Variants in KCNJ12 observed in about 807,000 individuals in gnomAD.
KCNJ12 encodes potassium inwardly rectifying channel subfamily J member 12.
In KCNJ12, 2 loss-of-function variants were observed where a neutral mutation model predicts 22.3. That is an observed-to-expected ratio of 0.09 (90% CI 0.04 to 0.28). The LOEUF is 0.28. KCNJ12 is among the 10% of genes least tolerant of loss of function. The pLI is 1.00. For synonymous variants in KCNJ12, 117 were observed against 261.4 expected, an observed-to-expected ratio of 0.45 and a Z score of 5.33; for missense variants, 155 against 633.3, an observed-to-expected ratio of 0.24 and a Z score of 8.11.
chr17:21,415,198 T>A, intron 2 of KCNJ12, 89 bp from the exon 3 acceptor site: 3 of 1,360,248 alleles, frequency 2.2e-6, no homozygotes, highest in African/African-American at 1.4e-5. Context: ...GGTGGAAGCG[T>A]CCTCCAGTCA....
chr17:21,400,982 A>G (rs1905587105), intron 1 of KCNJ12, among the ~76,000 whole-genome samples: 1 of 152,310 alleles, frequency 6.6e-6, no homozygotes, highest in African/African-American at 2.4e-5. Flanking sequence ...GGGTGAGCCC[A>G]GGCTCGGTGT....
intron 1 of KCNJ12, among the ~76,000 whole-genome samples, chr17:21,403,808 G>C (rs1336744347): frequency 1.3e-5 from 2 of 152,426 alleles, no homozygotes; most frequent in African/African-American, 4.8e-5. Flanking sequence ...GCTATGATTA[G>C]TTCCATTTTA....
chr17:21,388,668 G>T (rs1037096152), intron 1 of KCNJ12, among the ~76,000 whole-genome samples: 1 of 152,198 alleles, frequency 6.6e-6, no homozygotes, highest in African/African-American at 2.4e-5. Flanking sequence ...TAATGAAAAC[G>T]ACTGCTTACC....
rs146886374 is a variant in KCNJ12 at position 21,412,028 on chromosome 17, T to TCACA, written c.-56-3247_-56-3244dup. Among the ~76,000 whole-genome samples, 22 of 112,302 alleles carry TCACA rather than the reference T, an allele frequency of 2.0e-4. No homozygotes were observed. The South Asian group carries it at 5.0e-3, about 25-fold the overall frequency. The allele number at this position is 112,302 out of a possible 152,430, so 73.7% of individuals were successfully genotyped here. ...GGGAGGGTTTCTCTCTCTCTCTCTC[T>TCACA]CACACACACACACACGCACACACGG... On this transcript the variant is annotated intron_variant, in intron 2 of 2. Transcript: ENST00000583088.
intron 1 of KCNJ12, among the ~76,000 whole-genome samples, chr17:21,379,527 G>A (rs181510282): frequency 1.7e-3 from 264 of 152,302 alleles, no homozygotes; most frequent in Middle Eastern, 3.4e-3. Context: ...GCCCCTCCCC[G>A]GGCCTGCCCT....
chr17:21,418,389 G>T lies in KCNJ12; in HGVS notation c.*1745G>T, dbSNP rs1304320712. On this transcript the variant is annotated 3_prime_UTR_variant, in exon 3 of 3. Transcript: ENST00000583088. ...GCACCGAGGACTCTGGCCCAAGTGGGGAAGCTGAGGCAGAGAGCAGAGGGG... is the reference window on the plus strand; with the variant it reads ...GCACCGAGGACTCTGGCCCAAGTGGTGAAGCTGAGGCAGAGAGCAGAGGGG... 3 of 166,684 alleles carry T rather than the reference G, an allele frequency of 1.8e-5. No individual in the cohort carries two copies. The highest frequency in any genetic ancestry group is 4.4e-5 in the Non-Finnish European group (3 of 68,198). The allele number at this position is 166,684 out of a possible 1,614,324, so 10.3% of individuals were successfully genotyped here.
chr17:21,393,940 T>G (rs1555559617), intron 1 of KCNJ12, among the ~76,000 whole-genome samples: 1 of 152,208 alleles, frequency 6.6e-6, no homozygotes, highest in Non-Finnish European at 1.5e-5. Context: ...CTGAGGGCAC[T>G]GCTGGTCTCT....
At chr17:21,397,506 G>A (rs1240197629) in intron 1 of KCNJ12, among the ~76,000 whole-genome samples, 1 of 152,244 alleles carries the variant, frequency 6.6e-6, no homozygotes, top group African/African-American at 2.4e-5. Context: ...GCGTCTGTGG[G>A]TCGTCCTCCC....
At chr17:21,411,960 T>C (rs1367771546) in intron 2 of KCNJ12, among the ~76,000 whole-genome samples, 1 of 152,312 alleles carries the variant, frequency 6.6e-6, no homozygotes. Flanking sequence ...TTTGTGGTGC[T>C]GTATTCACCA....
chr17:21,381,199 C>T (rs1255986849), intron 1 of KCNJ12, among the ~76,000 whole-genome samples: 1 of 152,166 alleles, frequency 6.6e-6, no homozygotes, highest in Non-Finnish European at 1.5e-5. Context: ...CTGAGCCCTC[C>T]CTCCTGCTTG....
intron 1 of KCNJ12, among the ~76,000 whole-genome samples, chr17:21,379,236 A>G (rs1904779582): frequency 6.6e-6 from 1 of 152,220 alleles, no homozygotes; most frequent in Non-Finnish European, 1.5e-5. Context: ...GGCCTCCGGT[A>G]CCCTGGGCCA....
At chr17:21,383,416 C>G (rs1258083168) in intron 1 of KCNJ12, among the ~76,000 whole-genome samples, 1 of 151,998 alleles carries the variant, frequency 6.6e-6, no homozygotes, top group Non-Finnish European at 1.5e-5. Flanking sequence ...CAGAGAGGGT[C>G]CAGGGGAGCT....
intron 1 of KCNJ12, among the ~76,000 whole-genome samples, chr17:21,407,094 T>A (rs1462412897): frequency 9.2e-5 from 14 of 152,288 alleles, no homozygotes; most frequent in African/African-American, 3.1e-4. Flanking sequence ...CACCTGCTCA[T>A]CCATCTAGTC....
At chr17:21,403,443 A>G (rs1425666899) in intron 1 of KCNJ12, among the ~76,000 whole-genome samples, 3 of 152,278 alleles carry the variant, frequency 2.0e-5, no homozygotes, top group Non-Finnish European at 4.4e-5. Context: ...TTCTGGTCCC[A>G]GGATGCTTCT....
intron 2 of KCNJ12, among the ~76,000 whole-genome samples, chr17:21,411,561 C>T (rs1419471639): frequency 9.8e-5 from 15 of 152,296 alleles, no homozygotes; most frequent in Non-Finnish European, 1.5e-4. Context: ...CTGCGGAAAA[C>T]GGTCCTACCT....
chr17:21,413,871 G>C (rs1419003174), intron 2 of KCNJ12, among the ~76,000 whole-genome samples: 1 of 152,294 alleles, frequency 6.6e-6, no homozygotes, highest in African/African-American at 2.4e-5. Flanking sequence ...TGAGGGTGGT[G>C]CTGGGAACAG....
intron 2 of KCNJ12, among the ~76,000 whole-genome samples, chr17:21,414,625 T>C (rs1906581966): frequency 6.6e-6 from 1 of 152,288 alleles, no homozygotes; most frequent in Admixed American, 6.5e-5. Flanking sequence ...GTGCTGTGGA[T>C]ATAGCAGGGA....
chr17:21,412,836 C>T (rs1467310492), intron 2 of KCNJ12, among the ~76,000 whole-genome samples: 26 of 152,408 alleles, frequency 1.7e-4, no homozygotes, highest in African/African-American at 5.5e-4. Flanking sequence ...TAAAACTCAA[C>T]TCTCCTGCTT....
At chr17:21,402,161 C>T (rs1419788366) in intron 1 of KCNJ12, among the ~76,000 whole-genome samples, 1 of 152,302 alleles carries the variant, frequency 6.6e-6, no homozygotes, top group African/African-American at 2.4e-5. Context: ...ACTTCAGCCC[C>T]GCTGCCCTCC....
Sources: allele counts gnomAD v4.1 joint callset (sites outside exome capture counted in the v4.1 genomes callset), GRCh38; gene constraint gnomAD v4.1.1; transcripts MANE v1.5; gene names NCBI Gene and HGNC (gene_info 2026-07-23, HGNC 2026-07-21).